EMSY: variants seen among roughly 807,000 people sequenced by gnomAD.
The protein encoded by EMSY is BRCA2-interacting transcriptional repressor EMSY.
Under a neutral mutation model 134.6 loss-of-function variants are expected in EMSY, and 26 were observed. The observed-to-expected ratio is 0.19, with a 90% CI of 0.14 to 0.27. The LOEUF (loss-of-function observed/expected upper bound fraction) is 0.27, where lower values mean the gene tolerates loss of function less well. EMSY is among the 10% of genes least tolerant of loss of function. EMSY has a pLI of 1.00. For missense variants in EMSY, 1,305 were observed against 1,611.4 expected, an observed-to-expected ratio of 0.81 and a Z score of 3.26; for synonymous variants, 579 against 577.8, an observed-to-expected ratio of 1.00 and a Z score of -0.03.
intron 10 of EMSY, 24 bp from the exon 12 acceptor site, chr11:76,516,118 C>T: frequency 6.3e-7 from 1 of 1,590,918 alleles, no homozygotes; most frequent in Admixed American, 1.7e-5. Flanking sequence ...ACAAGTTTTT[C>T]TTTTGGCTTT....
chr11:76,463,675 A>G, intron 6 of EMSY, 146 bp from the exon 8 acceptor site: 1 of 814,058 alleles, frequency 1.2e-6, no homozygotes, highest in Non-Finnish European at 1.9e-6. Flanking sequence ...TTCAGAGACC[A>G]CTTCTCTGAG....
intron 9 of EMSY, among the ~76,000 whole-genome samples, chr11:76,506,455 TG>T (rs1192097535): frequency 6.6e-6 from 1 of 152,050 alleles, no homozygotes; most frequent in Non-Finnish European, 1.5e-5. Flanking sequence ...ACAAATAAAC[TG>T]GAAAAAAATC....
rs757772404 is a variant in EMSY, at chr11:76,464,087, G to A, written c.831+7G>A. The A allele has an allele frequency of 2.2e-5, 36 of 1,613,690 alleles. No homozygotes were observed. Among genetic ancestry groups the A allele is most frequent in the Non-Finnish European group, 1.9e-5 (23 of 1,179,798 alleles). ...AAACACAACAACACAGAAGGTATGT[G>A]GTGGAGGGAGTCTCTGCCTGCCAAT... On this transcript the variant is annotated splice_region_variant and intron_variant, in intron 7 of 20. Coordinates refer to ENST00000334736, the Ensembl canonical transcript of EMSY.
intron 20 of EMSY, 80 bp downstream of exon 21, chr11:76,546,377 A>C (rs751647262): frequency 8.0e-6 from 12 of 1,497,976 alleles, no homozygotes; most frequent in Non-Finnish European, 1.1e-5. Context: ...GACTTGTCAC[A>C]GGAAGAATCA....
chr11:76,523,704 C>CTTTATTTTTTTTTT (rs1950731479), intron 12 of EMSY, among the ~76,000 whole-genome samples: 1 of 80,536 alleles, frequency 1.2e-5, no homozygotes, highest in Non-Finnish European at 2.3e-5. Context: ...TTGTTACTTT[C>CTTTATTTTTTTTTT]TTTTTTTTTT....
intron 9 of EMSY, among the ~76,000 whole-genome samples, chr11:76,507,791 A>C (rs1950131721): frequency 2.0e-5 from 3 of 152,132 alleles, no homozygotes; most frequent in African/African-American, 7.2e-5. Context: ...ACTTTGCCCA[A>C]ATCCATTAGA....
At chr11:76,534,834 G>A (rs1401495454) in intron 14 of EMSY, among the ~76,000 whole-genome samples, 2 of 152,090 alleles carry the variant, frequency 1.3e-5, no homozygotes, top group Non-Finnish European at 2.9e-5. Context: ...GAATATAGAG[G>A]AAGGAATCAT....
chr11:76,510,072 T>G (rs1297331975), intron 9 of EMSY, among the ~76,000 whole-genome samples: 1 of 152,098 alleles, frequency 6.6e-6, no homozygotes, highest in Non-Finnish European at 1.5e-5. Flanking sequence ...ATTAATAAAC[T>G]GGCTGTGTTT....
intron 9 of EMSY, among the ~76,000 whole-genome samples, chr11:76,499,119 G>A (rs1165061564): frequency 2.0e-5 from 3 of 151,444 alleles, no homozygotes; most frequent in African/African-American, 7.3e-5. Context: ...ACACTACCAC[G>A]CCCAGGTAAC....
At chr11:76,513,442 A>T in exon 10 of EMSY, 1 of 1,613,796 alleles carries the variant, frequency 6.2e-7, no homozygotes, top group South Asian at 1.1e-5. Context: ...CAAACCAGTG[A>T]CAGCAACTCT....
intron 9 of EMSY, among the ~76,000 whole-genome samples, chr11:76,503,793 T>G (rs1285715527): frequency 6.6e-6 from 1 of 152,156 alleles, no homozygotes; most frequent in Non-Finnish European, 1.5e-5. Context: ...TTTAATTTAT[T>G]TATTTATTTG....
chr11:76,514,896 G>C (rs1950395750), intron 10 of EMSY, among the ~76,000 whole-genome samples: 1 of 152,018 alleles, frequency 6.6e-6, no homozygotes, highest in African/African-American at 2.4e-5. Context: ...ATGCATATAT[G>C]ATTCTTCATG....
At chr11:76,510,301 G>T (rs78611100) in intron 9 of EMSY, among the ~76,000 whole-genome samples, 6,016 of 152,316 alleles carry the variant, frequency 0.039, 142 homozygotes, top group Middle Eastern at 0.051. Flanking sequence ...AGTGAGCCAT[G>T]ATCACACCAT....
intron 6 of EMSY, chr11:76,461,054 C>G (rs1399412598): frequency 6.6e-6 from 1 of 151,786 alleles, no homozygotes; most frequent in Non-Finnish European, 1.5e-5. Context: ...GTTGGAAAGT[C>G]CAAGTTTGGG....
intron 9 of EMSY, among the ~76,000 whole-genome samples, chr11:76,511,626 G>A (rs1357167840): frequency 1.3e-5 from 2 of 152,112 alleles, no homozygotes; most frequent in Non-Finnish European, 2.9e-5. Flanking sequence ...CTTAAACCCA[G>A]GAGGTGGAGG....
chr11:76,517,108 A>G (rs1333355992), intron 11 of EMSY, among the ~76,000 whole-genome samples: 3 of 152,198 alleles, frequency 2.0e-5, no homozygotes, highest in Non-Finnish European at 4.4e-5. Context: ...CCATTTTTGT[A>G]GACAAGTCAT....
chr11:76,541,974 C>T, intron 17 of EMSY: 2 of 605,980 alleles, frequency 3.3e-6, no homozygotes, highest in South Asian at 4.0e-5. Context: ...TTTCTCATCT[C>T]ATCCTTATAA....
intron 4 of EMSY, chr11:76,454,046 C>G (rs1410602134): frequency 6.6e-6 from 1 of 151,966 alleles, no homozygotes; most frequent in Non-Finnish European, 1.5e-5. Context: ...CTAAAGAATA[C>G]AAAGGAACAG....
At chr11:76,463,168 T>C (rs556751500) in intron 6 of EMSY, among the ~76,000 whole-genome samples, 1 of 150,878 alleles carries the variant, frequency 6.6e-6, no homozygotes, top group Non-Finnish European at 1.5e-5. Context: ...AATATAAAAA[T>C]TAGCTGACTG....
Sources: allele counts gnomAD v4.1 joint callset (sites outside exome capture counted in the v4.1 genomes callset), GRCh38; gene constraint gnomAD v4.1.1; transcripts MANE v1.5; gene names NCBI Gene and HGNC (gene_info 2026-07-23, HGNC 2026-07-21).